DLC1: variants seen among roughly 807,000 people sequenced by gnomAD.
DLC1 encodes rho GTPase-activating protein 7.
A neutral mutation model predicts 140.3 loss-of-function variants in DLC1; 54 were observed. The ratio of observed to expected loss-of-function variants is 0.38; its 90% CI spans 0.31 to 0.48. The LOEUF is 0.48. DLC1 is among the 20% of genes least tolerant of loss of function. The pLI is 0.96. For synonymous variants in DLC1, 986 were observed against 728.1 expected (o/e 1.35, Z -5.70); for missense variants, 2,536 against 1,907.0 (o/e 1.33, Z -6.14).
At chr8:13,239,295 C>G (rs17188796) in intron 5 of DLC1, among the ~76,000 whole-genome samples, 1 of 151,870 alleles carries the variant, frequency 6.6e-6, no homozygotes, top group East Asian at 1.9e-4. Flanking sequence ...AAGAGCGGGG[C>G]AAATAATCCA....
Position 13,098,497 on chromosome 8 carries a change from C to T in DLC1, c.3069G>A (p.Gln1023=), listed in dbSNP as rs753929725. The change falls in exon 10 of 18, where the codon CAG becomes CAA. Residue 1023 remains glutamine, a synonymous_variant. Transcript: ENST00000276297. ...GCAGCAGGTTCATCTGGGCCACAGACTGGCAGTTAATCTGTAGTGATACAG... is the reference window on the plus strand; with the variant it reads ...GCAGCAGGTTCATCTGGGCCACAGATTGGCAGTTAATCTGTAGTGATACAG... ...LNSVSLQINC[Q]SVAQMNLLQK... 1.9e-6 allele frequency: 3 copies of T among 1,614,242 alleles called. No individual in the cohort carries two copies. The highest frequency in any genetic ancestry group is 1.1e-5 in the South Asian group (1 of 91,084).
chr8:13,579,245 C>CATATATAT (rs749246152), intron 1 of DLC1, among the ~76,000 whole-genome samples: 1,590 of 18,906 alleles, frequency 0.084, 383 homozygotes, highest in South Asian at 0.31. Flanking sequence ...GAACAGGGAG[C>CATATATAT]ATATATATAT....
At chr8:13,543,115 G>A (rs1803541809) in intron 1 of DLC1, among the ~76,000 whole-genome samples, 2 of 152,034 alleles carry the variant, frequency 1.3e-5, no homozygotes, top group Non-Finnish European at 2.9e-5. Flanking sequence ...TTGTTCCAGT[G>A]ATTAGTAAAC....
chr8:13,565,151 G>T (rs1448808323), intron 1 of DLC1, among the ~76,000 whole-genome samples: 1 of 152,096 alleles, frequency 6.6e-6, no homozygotes, highest in African/African-American at 2.4e-5. Context: ...GGGTCACGCT[G>T]AATATTACAA....
chr8:13,442,987 A>T (rs1211173904), intron 2 of DLC1, among the ~76,000 whole-genome samples: 1 of 152,174 alleles, frequency 6.6e-6, no homozygotes, highest in Non-Finnish European at 1.5e-5. Flanking sequence ...GGATTAAGAA[A>T]ATGTGGCACA....
chr8:13,591,272 C>G (rs950099670), intron 1 of DLC1, among the ~76,000 whole-genome samples: 5 of 152,116 alleles, frequency 3.3e-5, no homozygotes, highest in African/African-American at 1.2e-4. Flanking sequence ...CAAACCTCAT[C>G]TTGAATTGTA....
At chr8:13,092,469 T>C in intron 13 of DLC1, 143 bp downstream of exon 13, 1 of 855,476 alleles carries the variant, frequency 1.2e-6, no homozygotes, top group Non-Finnish European at 1.8e-6. Context: ...ATGTCTTTAT[T>C]AGCGGTGTGA....
chr8:13,559,855 C>T (rs1804178835), intron 1 of DLC1, among the ~76,000 whole-genome samples: 1 of 152,174 alleles, frequency 6.6e-6, no homozygotes, highest in Non-Finnish European at 1.5e-5. Context: ...CATTTATATT[C>T]ATTTCCTAGA....
intron 1 of DLC1, among the ~76,000 whole-genome samples, chr8:13,548,642 C>G (rs1803736794): frequency 6.6e-6 from 1 of 152,006 alleles, no homozygotes; most frequent in Admixed American, 6.6e-5. Context: ...CTGATCAGCT[C>G]TCATATGGAT....
intron 4 of DLC1, among the ~76,000 whole-genome samples, chr8:13,351,235 C>T (rs543442569): frequency 6.6e-6 from 1 of 152,160 alleles, no homozygotes. Flanking sequence ...TTCATTTATC[C>T]CTACAATAGA....
At chr8:13,182,714 G>A (rs1464706095) in intron 5 of DLC1, among the ~76,000 whole-genome samples, 3 of 152,102 alleles carry the variant, frequency 2.0e-5, no homozygotes, top group African/African-American at 7.2e-5. Flanking sequence ...TGCTGTTTTG[G>A]TTACTGTAGC....
intron 5 of DLC1, among the ~76,000 whole-genome samples, chr8:13,282,672 A>C (rs1221697352): frequency 6.6e-6 from 1 of 152,126 alleles, no homozygotes; most frequent in African/African-American, 2.4e-5. Flanking sequence ...TTCACCATGT[A>C]AAATTACAGT....
intron 4 of DLC1, among the ~76,000 whole-genome samples, chr8:13,363,300 G>A (rs553310227): frequency 6.6e-6 from 1 of 150,530 alleles, no homozygotes; most frequent in African/African-American, 2.4e-5. Flanking sequence ...TCTGCACTGT[G>A]TTCTCAGAGC....
chr8:13,175,504 CGTCT>C (rs1029807438), intron 5 of DLC1, among the ~76,000 whole-genome samples: 8 of 151,896 alleles, frequency 5.3e-5, no homozygotes, highest in Non-Finnish European at 8.8e-5. Context: ...AACTTTTAAC[CGTCT>C]GTCTGTGCTC....
At chr8:13,544,197 A>AACACAC (rs3988455) in intron 1 of DLC1, among the ~76,000 whole-genome samples, 41 of 144,868 alleles carry the variant, frequency 2.8e-4, no homozygotes, top group African/African-American at 9.3e-4. Flanking sequence ...CACACACACA[A>AACACAC]ACACACACAC....
intron 5 of DLC1, among the ~76,000 whole-genome samples, chr8:13,164,758 C>T (rs1465817958): frequency 6.6e-6 from 1 of 152,148 alleles, no homozygotes; most frequent in African/African-American, 2.4e-5. Flanking sequence ...TCAGAGCTTT[C>T]ACAAATGCTC....
chr8:13,148,802 A>C (rs1441818400), intron 5 of DLC1, among the ~76,000 whole-genome samples: 7 of 151,490 alleles, frequency 4.6e-5, no homozygotes, highest in Admixed American at 6.6e-5. Flanking sequence ...TTTCTTTTTT[A>C]TTTTTTATGA....
In DLC1 at chr8:13,393,584, A is replaced by G. The variant is rs1194120753; in HGVS notation, c.1283T>C (p.Val428Ala). The part of the protein sequence containing the change: ...ESTDLPSSTP[V>A]ANSGTKPKTT... Reference sequence around the variant, plus strand: ...CTTGGGTTTGGTTCCAGAATTGGCTACTGGAGTGGAAGATGGGAGGTCCGT... The same window carrying G: ...CTTGGGTTTGGTTCCAGAATTGGCTGCTGGAGTGGAAGATGGGAGGTCCGT... The change falls in exon 4 of 18, where the codon GTA becomes GCA. Residue 428 changes from valine to alanine, a missense_variant. By Grantham distance (64) the Val-to-Ala change is moderately conservative (BLOSUM62 0). Transcript: ENST00000276297. 1.2e-6 allele frequency: 2 copies of G among 1,614,106 alleles called. No homozygotes were observed. The highest frequency in any genetic ancestry group is 1.7e-6 in the Non-Finnish European group (2 of 1,180,014).
At chr8:13,559,320 G>A (rs964008545) in intron 1 of DLC1, 18 of 152,310 alleles carry the variant, frequency 1.2e-4, no homozygotes, top group African/African-American at 4.1e-4. Flanking sequence ...TTCAAGTTAA[G>A]CATGGAAGGC....
Sources: gnomAD v4.1 joint callset for allele counts (sites outside exome capture counted in the v4.1 genomes callset) on GRCh38, gnomAD v4.1.1 for gene constraint, MANE v1.5 for transcripts, NCBI Gene and HGNC (gene_info 2026-07-23, HGNC 2026-07-21) for gene names.